SLC25A12: variants seen among roughly 807,000 people sequenced by gnomAD.
SLC25A12 encodes the protein solute carrier family 25 member 12.
A neutral mutation model predicts 83.3 loss-of-function variants in SLC25A12; 32 were observed. That is an observed-to-expected ratio of 0.38 (90% CI 0.29 to 0.52). The LOEUF (loss-of-function observed/expected upper bound fraction) is 0.52. Ranked by LOEUF, SLC25A12 falls within the 20% of genes least tolerant of loss-of-function variation. SLC25A12 has a pLI of 0.84. For synonymous variants in SLC25A12, 267 were observed against 291.1 expected, an observed-to-expected ratio of 0.92 and a Z score of 0.84; for missense variants, 611 against 835.6, an observed-to-expected ratio of 0.73 and a Z score of 3.31.
At chr2:171,874,986 T>C (rs1026789822) in intron 2 of SLC25A12, among the ~76,000 whole-genome samples, 6 of 152,140 alleles carry the variant, frequency 3.9e-5, no homozygotes, top group Non-Finnish European at 8.8e-5. Context: ...AGATGGGAAA[T>C]TGGCTGTTCG....
At chr2:171,786,579 GTTCACAGGTT>G (rs1359608231) in intron 17 of SLC25A12, among the ~76,000 whole-genome samples, 3 of 152,104 alleles carry the variant, frequency 2.0e-5, no homozygotes, top group Non-Finnish European at 4.4e-5. Flanking sequence ...GCACAGAGGA[GTTCACAGGTT>G]TCTGATGTGA....
At chr2:171,796,906 T>C (rs1230466957) in intron 13 of SLC25A12, among the ~76,000 whole-genome samples, 2 of 152,140 alleles carry the variant, frequency 1.3e-5, no homozygotes, top group Non-Finnish European at 1.5e-5. Context: ...CATATTAAAC[T>C]GGGGATAGGG....
chr2:171,890,308 A>C (rs923483128), intron 2 of SLC25A12, among the ~76,000 whole-genome samples: 1 of 152,256 alleles, frequency 6.6e-6, no homozygotes, highest in African/African-American at 2.4e-5. Flanking sequence ...TATAGCTAAA[A>C]TATTAATCAA....
At position 171,786,630 on chromosome 2, in the gene SLC25A12, G is replaced by A. The variant is rs552562745; in HGVS notation, c.1835+941C>T. Among the ~76,000 whole-genome samples the A allele has an allele frequency of 1.1e-4, 16 of 152,248 alleles. No individual in the cohort carries two copies. In the South Asian group the frequency reaches 2.5e-3, roughly 24 times the overall value. ...CAGGAATGGTACTTGGTCTTCTGCT[G>A]AAAAGCTAATAATTGCTTGCTTTGG... On this transcript the variant is annotated intron_variant, in intron 17 of 17. Transcript: ENST00000422440.
At chr2:171,807,969 C>T (rs977793395) in intron 13 of SLC25A12, among the ~76,000 whole-genome samples, 4 of 152,140 alleles carry the variant, frequency 2.6e-5, no homozygotes, top group Non-Finnish European at 4.4e-5. Context: ...CTCTGACCCC[C>T]GAGGCAGTGT....
At chr2:171,808,924 A>C (rs1290591252) in intron 13 of SLC25A12, among the ~76,000 whole-genome samples, 1 of 147,000 alleles carries the variant, frequency 6.8e-6, no homozygotes, top group Non-Finnish European at 1.5e-5. Context: ...CTCATTGTTC[A>C]ATTCCCACCT....
chr2:171,874,975 C>T (rs1319769353), intron 2 of SLC25A12, among the ~76,000 whole-genome samples: 2 of 152,200 alleles, frequency 1.3e-5, no homozygotes, highest in Non-Finnish European at 2.9e-5. Flanking sequence ...TTCTCCACGG[C>T]AGATGGGAAA....
At chr2:171,821,516 T>C (rs1391154605) in intron 9 of SLC25A12, among the ~76,000 whole-genome samples, 1 of 152,200 alleles carries the variant, frequency 6.6e-6, no homozygotes, top group Non-Finnish European at 1.5e-5. Context: ...CAGAGTATAA[T>C]TTTGATCAAT....
At chr2:171,811,128 T>C (rs1683938443) in intron 11 of SLC25A12, among the ~76,000 whole-genome samples, 1 of 152,204 alleles carries the variant, frequency 6.6e-6, no homozygotes, top group South Asian at 2.1e-4. Context: ...ACAATAAACA[T>C]TTTATATCCT....
chr2:171,791,667 G>C, intron 14 of SLC25A12, 78 bp from the exon 15 acceptor site: 1 of 1,388,456 alleles, frequency 7.2e-7, no homozygotes, highest in Non-Finnish European at 1.0e-6. Context: ...TGTGACATTT[G>C]TCAGTGACAA....
chr2:171,823,015 GTTAAGGTTAGCA>G (rs1684225142), intron 9 of SLC25A12, among the ~76,000 whole-genome samples: 2 of 152,332 alleles, frequency 1.3e-5, no homozygotes, highest in African/African-American at 4.8e-5. Flanking sequence ...CATGGGAATA[GTTAAGGTTAGCA>G]TTACTGAAAT....
At chr2:171,799,765 T>C (rs925878397) in intron 13 of SLC25A12, among the ~76,000 whole-genome samples, 1 of 152,228 alleles carries the variant, frequency 6.6e-6, no homozygotes, top group Non-Finnish European at 1.5e-5. Flanking sequence ...TTGAGAGCAC[T>C]ATGCAGACTG....
chr2:171,854,523 C>T (rs1295319739), intron 4 of SLC25A12, among the ~76,000 whole-genome samples: 1 of 151,966 alleles, frequency 6.6e-6, no homozygotes, highest in African/African-American at 2.4e-5. Flanking sequence ...GCCAAGATCA[C>T]GCCATTACAA....
At chr2:171,797,132 A>G (rs1683614016) in intron 13 of SLC25A12, among the ~76,000 whole-genome samples, 1 of 152,228 alleles carries the variant, frequency 6.6e-6, no homozygotes, top group Admixed American at 6.5e-5. Flanking sequence ...CTTGCAGTAA[A>G]TATAATCTTT....
In SLC25A12 at chr2:171,813,583, G is replaced by A. The variant is rs1683990578; in HGVS notation, c.1013-86C>T. 3.5e-6 allele frequency: 5 copies of A among 1,411,154 alleles called. No homozygotes were observed. The South Asian group carries it at 5.8e-5, about 16-fold the overall frequency. 87.4% of individuals were successfully genotyped at this position (1,411,154 alleles called of 1,614,324 possible). A position where few individuals can be genotyped will look rare whatever the true frequency, so the allele number is the denominator to read the frequency against. ...GATGACAAATCTTATCTTAAAGGAT[G>A]AGAAAATAAAACACAACATGTATTC... On this transcript the variant is annotated intron_variant, in intron 10 of 17. Transcript: ENST00000422440.
At chr2:171,843,246 T>C (rs1173134359) in intron 5 of SLC25A12, among the ~76,000 whole-genome samples, 1 of 152,192 alleles carries the variant, frequency 6.6e-6, no homozygotes, top group African/African-American at 2.4e-5. Context: ...TTTAAACGCA[T>C]TAAAAAGAGA....
At chr2:171,809,265 T>C (rs528706535) in intron 13 of SLC25A12, among the ~76,000 whole-genome samples, 4 of 152,304 alleles carry the variant, frequency 2.6e-5, no homozygotes, top group Admixed American at 2.6e-4. Context: ...TTCTAGATCC[T>C]TGAGGAATTG....
intron 5 of SLC25A12, among the ~76,000 whole-genome samples, chr2:171,840,259 C>T (rs1005804788): frequency 6.6e-6 from 1 of 152,102 alleles, no homozygotes; most frequent in South Asian, 2.1e-4. Context: ...GTGGCACACG[C>T]CTGTAGTACC....
rs543117508 is a variant in SLC25A12, at chr2:171,802,776, G to A, written c.1305+6830C>T. ...GGGCGACAGTGCGAGACTCTGTCTC[G>A]AAAAAATAAAAATAAAAATAAAAAT... is the stretch of plus-strand genomic sequence containing the variant. On this transcript the variant is annotated intron_variant, in intron 13 of 17. Coordinates refer to ENST00000422440, the MANE Select transcript of SLC25A12 (RefSeq NM_003705.5). 6.6e-5 allele frequency among the ~76,000 whole-genome samples: 10 copies of A among 151,940 alleles called. No individual in the cohort carries two copies. In the East Asian group the frequency reaches 1.7e-3, roughly 27 times the overall value.
Sources: gnomAD v4.1 joint callset for allele counts (sites outside exome capture counted in the v4.1 genomes callset) on GRCh38, gnomAD v4.1.1 for gene constraint, MANE v1.5 for transcripts, NCBI Gene and HGNC (gene_info 2026-07-23, HGNC 2026-07-21) for gene names.